EXTL2: variants seen among roughly 807,000 people sequenced by gnomAD.
EXTL2 encodes exostosin-like 2.
Under a neutral mutation model 30.7 loss-of-function variants are expected in EXTL2, and 23 were observed. That is an observed-to-expected ratio of 0.75 (90% CI 0.54 to 1.06). The LOEUF (loss-of-function observed/expected upper bound fraction) is 1.06. EXTL2 is among the 50% of genes least tolerant of loss of function. The pLI is 0.00. For missense variants in EXTL2, 352 were observed against 396.3 expected (o/e 0.89, Z 0.95); for synonymous variants, 123 against 133.8 (o/e 0.92, Z 0.56).
At chr1:100,883,013 T>C (rs1237941540) in intron 2 of EXTL2, among the ~76,000 whole-genome samples, 1 of 152,174 alleles carries the variant, frequency 6.6e-6, no homozygotes, top group Non-Finnish European at 1.5e-5. Flanking sequence ...GGAACTTGCC[T>C]AAGGTCATGC....
intron 2 of EXTL2, among the ~76,000 whole-genome samples, chr1:100,886,979 T>G (rs945256412): frequency 9.2e-5 from 14 of 152,106 alleles, no homozygotes; most frequent in Admixed American, 5.2e-4. Flanking sequence ...ACTCATAGGA[T>G]CCAAGGAGTC....
In EXTL2 at chr1:100,874,131, G is replaced by GT; in HGVS notation, c.803dup (p.Asn268LysfsTer21). On this transcript the variant is annotated frameshift_variant, in exon 5 of 5. Transcript: ENST00000370114. LOFTEE classifies it high-confidence loss of function. Reference sequence around the variant, plus strand: ...TGGTTTCTTTTTCCAAATTGTCCATGTTTACAGGCTTCACAAATATCCCTG... The same window carrying GT: ...TGGTTTCTTTTTCCAAATTGTCCATGTTTTACAGGCTTCACAAATATCCCTG... 3.7e-6 allele frequency: 6 copies of GT among 1,612,986 alleles called. No individual in the cohort carries two copies. Among genetic ancestry groups the GT allele is most frequent in the Non-Finnish European group, 5.1e-6 (6 of 1,179,474 alleles).
At chr1:100,887,544 A>T (rs1570471603) in intron 2 of EXTL2, among the ~76,000 whole-genome samples, 1 of 152,182 alleles carries the variant, frequency 6.6e-6, no homozygotes, top group East Asian at 1.9e-4. Flanking sequence ...CAATGTTTCA[A>T]ATCTTTAGAA....
In EXTL2 at chr1:100,877,648, C is replaced by T. The variant is rs779516219; in HGVS notation, c.261G>A (p.Gln87=). ...DLLLKLLNHY[Q]AVPNLHKVIV... Reference sequence around the variant, plus strand: ...TCACTTTGTGCAGATTTGGTACAGCCTGATAATGATTTAAAAGTTTCAATA... The same window carrying T: ...TCACTTTGTGCAGATTTGGTACAGCTTGATAATGATTTAAAAGTTTCAATA... The change falls in exon 3 of 5, where the codon CAG becomes CAA. Residue 87 remains glutamine, a synonymous_variant. Transcript: ENST00000370114. The surrounding 1 kb of genome is among the most constrained non-coding windows in gnomAD (Gnocchi z 4.1). 3.7e-6 allele frequency: 6 copies of T among 1,613,502 alleles called. No individual in the cohort carries two copies. Among genetic ancestry groups the T allele is most frequent in the Non-Finnish European group, 8.5e-7 (1 of 1,179,716 alleles).
intron 4 of EXTL2, among the ~76,000 whole-genome samples, chr1:100,874,696 C>G (rs1372999060): frequency 2.6e-5 from 4 of 152,046 alleles, no homozygotes; most frequent in African/African-American, 7.2e-5. Context: ...CAAACATTAT[C>G]TGACATTAAC....
In EXTL2 at chr1:100,880,105, C is replaced by T. The variant is rs938909682; in HGVS notation, c.6-2202G>A. Among the ~76,000 whole-genome samples the T allele has an allele frequency of 3.9e-5, 6 of 152,040 alleles. No homozygotes were observed. In the East Asian group the frequency reaches 1.2e-3, roughly 29 times the overall value. ...TGTGTTTTGTAATGGTAGAAAGTTT[C>T]CTCTCTATAGTTCAAGGACATAGAG... On this transcript the variant is annotated intron_variant, in intron 2 of 4. Coordinates refer to ENST00000370114, the MANE Select transcript of EXTL2 (RefSeq NM_001033025.3).
chr1:100,877,413 C>A lies in EXTL2; in HGVS notation c.433+63G>T. 4 of 1,410,020 alleles carry A rather than the reference C, an allele frequency of 2.8e-6. No homozygotes were observed. The highest frequency in any genetic ancestry group is 3.8e-6 in the Non-Finnish European group (4 of 1,051,358). The allele number at this position is 1,410,020 out of a possible 1,614,324, so 87.3% of individuals were successfully genotyped here. On this transcript the variant is annotated intron_variant, in intron 3 of 4. Coordinates refer to ENST00000370114, the MANE Select transcript of EXTL2 (RefSeq NM_001033025.3). This position sits in a 1 kb window ranked among gnomAD's most constrained non-coding sequence, Gnocchi z 4.1. Reference sequence around the variant, plus strand: ...GGTTAAGCAGAAGGCCAGAAATTCACATGTCTGTCCCAGCTCTGGACAGCG... The same window carrying A: ...GGTTAAGCAGAAGGCCAGAAATTCAAATGTCTGTCCCAGCTCTGGACAGCG...
At chr1:100,876,975 A>G (rs1172823781) in intron 3 of EXTL2, 111 bp from the exon 4 acceptor site, 1 of 678,186 alleles carries the variant, frequency 1.5e-6, no homozygotes, top group Non-Finnish European at 2.6e-6. Flanking sequence ...TTCTGACCCA[A>G]CAATAAATAA....
At chr1:100,887,740 T>C (rs1267052198) in intron 2 of EXTL2, among the ~76,000 whole-genome samples, 1 of 152,140 alleles carries the variant, frequency 6.6e-6, no homozygotes, top group Non-Finnish European at 1.5e-5. Flanking sequence ...AGTCTCACTC[T>C]GTCGCCCAGG....
chr1:100,878,966 C>T (rs1472968933), intron 2 of EXTL2, among the ~76,000 whole-genome samples: 1 of 152,100 alleles, frequency 6.6e-6, no homozygotes, highest in Admixed American at 6.6e-5. Context: ...TATGTACTCT[C>T]CCATCTTCCT....
chr1:100,893,937 C>G (rs1302961173), intron 1 of EXTL2, among the ~76,000 whole-genome samples: 1 of 152,070 alleles, frequency 6.6e-6, no homozygotes, highest in Non-Finnish European at 1.5e-5. Flanking sequence ...TGAAATTAAA[C>G]TTCAATTTCT....
At chr1:100,893,454 G>T (rs1474707382) in intron 1 of EXTL2, among the ~76,000 whole-genome samples, 1 of 152,116 alleles carries the variant, frequency 6.6e-6, no homozygotes, top group African/African-American at 2.4e-5. Context: ...TGATTTGCCT[G>T]TCACAACCCC....
chr1:100,877,923 A>C lies in EXTL2; in HGVS notation c.6-20T>G, dbSNP rs1442350051. 6.4e-7 allele frequency: 1 copy of C among 1,567,972 alleles called. No homozygotes were observed. Among genetic ancestry groups the C allele is most frequent in the South Asian group, 1.1e-5 (1 of 87,808 alleles). On this transcript the variant is annotated intron_variant, in intron 2 of 4. Transcript: ENST00000370114. The surrounding 1 kb of genome is among the most constrained non-coding windows in gnomAD (Gnocchi z 4.1). The stretch of plus-strand genomic sequence containing the variant: ...CAACACCTGGAGTAGAAATGGAAAC[A>C]ACATACAAATGTTAGCATTCTTACG...
intron 2 of EXTL2, among the ~76,000 whole-genome samples, chr1:100,887,229 T>G (rs1650037457): frequency 6.6e-6 from 1 of 152,232 alleles, no homozygotes; most frequent in African/African-American, 2.4e-5. Flanking sequence ...AGCCATTAAC[T>G]CACTTTCCAA....
At chr1:100,879,131 T>G (rs1649367220) in intron 2 of EXTL2, among the ~76,000 whole-genome samples, 1 of 152,184 alleles carries the variant, frequency 6.6e-6, no homozygotes, top group Non-Finnish European at 1.5e-5. Context: ...TATAGATGCC[T>G]AAAACTCTTA....
At chr1:100,885,592 T>C (rs1649900944) in intron 2 of EXTL2, 1 of 152,204 alleles carries the variant, frequency 6.6e-6, no homozygotes, top group Non-Finnish European at 1.5e-5. Context: ...GCTTCTTCCA[T>C]TAAAATTATA....
At position 100,888,760 on chromosome 1, in the gene EXTL2, T is replaced by G; in HGVS notation, c.-3A>C. 1 of 1,555,300 alleles carries G rather than the reference T, an allele frequency of 6.4e-7. No individual in the cohort carries two copies. Among genetic ancestry groups the G allele is most frequent in the Non-Finnish European group, 8.8e-7 (1 of 1,137,012 alleles). On this transcript the variant is annotated 5_prime_UTR_variant, in exon 2 of 5. Transcript: ENST00000370114. ...AAAAATATTGGTACTTACCTCATTG[T>G]GTTGAAGTTTAATTTTTAAAAAATC...
rs182322609 is a variant in EXTL2 at position 100,874,966 on chromosome 1, A to T, written c.505-536T>A. On this transcript the variant is annotated intron_variant, in intron 4 of 4. Transcript: ENST00000370114. Reference sequence around the variant, plus strand: ...TTTCAGCTTGGGTGTTTCTTTTTTTAAAAAATGAGATAATATAAATAAATG... The same window carrying T: ...TTTCAGCTTGGGTGTTTCTTTTTTTTAAAAATGAGATAATATAAATAAATG... Among the ~76,000 whole-genome samples, 126 of 152,074 alleles carry T rather than the reference A, an allele frequency of 8.3e-4. 1 individual carries two copies. The East Asian group carries it at 0.019, about 23-fold the overall frequency.
At chr1:100,891,567 GT>G (rs1650427619) in intron 1 of EXTL2, among the ~76,000 whole-genome samples, 1 of 152,150 alleles carries the variant, frequency 6.6e-6, no homozygotes, top group Non-Finnish European at 1.5e-5. Context: ...AGTCAAAACT[GT>G]CCTTTTATGC....
Sources: gnomAD v4.1 joint callset for allele counts (sites outside exome capture counted in the v4.1 genomes callset) on GRCh38, gnomAD v4.1.1 for gene constraint, Gnocchi (gnomAD v3.1) non-coding constraint, MANE v1.5 for transcripts, NCBI Gene and HGNC (gene_info 2026-07-23, HGNC 2026-07-21) for gene names.